Variants in CSMD1 observed in about 807,000 individuals in gnomAD.
CSMD1 encodes CUB and Sushi multiple domains 1, also known as CUB and sushi domain-containing protein 1.
In CSMD1, 213 loss-of-function variants were observed where a neutral mutation model predicts 417.5. That is an observed-to-expected ratio of 0.51 (90% CI 0.46 to 0.57). The LOEUF (loss-of-function observed/expected upper bound fraction) is 0.57, where lower values mean the gene tolerates loss of function less well. CSMD1 is among the 20% of genes least tolerant of loss of function. The pLI is 0.00. For missense variants in CSMD1, 6,923 were observed against 4,529.7 expected (o/e 1.53, Z -15.17); for synonymous variants, 2,862 against 1,736.8 (o/e 1.65, Z -16.11).
chr8:3,474,917 T>C (rs1343035863), intron 11 of CSMD1, among the ~76,000 whole-genome samples: 1 of 152,158 alleles, frequency 6.6e-6, no homozygotes, highest in Admixed American at 6.5e-5. Context: ...GAAAATATAA[T>C]TTTATTTTGG....
intron 10 of CSMD1, among the ~76,000 whole-genome samples, chr8:3,543,121 G>A (rs1798513059): frequency 6.6e-6 from 1 of 152,162 alleles, no homozygotes; most frequent in Non-Finnish European, 1.5e-5. Flanking sequence ...TGTGCATCCT[G>A]AAGGATGATC....
chr8:3,058,627 T>G (rs1432631301), intron 49 of CSMD1, among the ~76,000 whole-genome samples: 1 of 152,134 alleles, frequency 6.6e-6, no homozygotes, highest in Non-Finnish European at 1.5e-5. Context: ...CAAACATTAA[T>G]GTGCTCCTTA....
At chr8:3,291,711 C>A (rs1468268432) in intron 25 of CSMD1, among the ~76,000 whole-genome samples, 1 of 143,968 alleles carries the variant, frequency 6.9e-6, no homozygotes, top group Non-Finnish European at 1.5e-5. Context: ...TTTGATTCTT[C>A]TCTCTTTTCT....
chr8:3,031,860 T>A (rs1356695928), intron 50 of CSMD1, among the ~76,000 whole-genome samples: 1 of 104,704 alleles, frequency 9.6e-6, no homozygotes, highest in African/African-American at 3.8e-5. Flanking sequence ...TTTGCTCACA[T>A]CTCTCTTTTT....
At chr8:4,149,519 A>G (rs1001961062) in intron 3 of CSMD1, among the ~76,000 whole-genome samples, 2 of 152,208 alleles carry the variant, frequency 1.3e-5, no homozygotes, top group Non-Finnish European at 1.5e-5. Context: ...TACTCAGGGA[A>G]CTACCATTTC....
intron 2 of CSMD1, among the ~76,000 whole-genome samples, chr8:4,488,993 G>A (rs900797240): frequency 4.6e-5 from 7 of 152,198 alleles, no homozygotes; most frequent in Non-Finnish European, 8.8e-5. Context: ...CTCACTGCAC[G>A]TCCGCCTCCC....
intron 2 of CSMD1, among the ~76,000 whole-genome samples, chr8:4,463,500 A>T (rs1310905077): frequency 2.0e-5 from 3 of 152,220 alleles, no homozygotes; most frequent in Non-Finnish European, 2.9e-5. Context: ...CAAAAAGTGG[A>T]AACAATACAA....
chr8:4,226,136 G>C (rs1801342563), intron 3 of CSMD1, among the ~76,000 whole-genome samples: 1 of 151,624 alleles, frequency 6.6e-6, no homozygotes, highest in African/African-American at 2.4e-5. Flanking sequence ...TTGCTAGCAT[G>C]AGAGTTTCAT....
In CSMD1 at chr8:4,184,906, T is replaced by G. The variant is rs965488634; in HGVS notation, c.416-152807A>C. ...TGAGGTCAGGAGTTCAAGACCAGCCTCTGGGTGGATCACCTGAGGTCAGGA... is the reference window on the plus strand; with the variant it reads ...TGAGGTCAGGAGTTCAAGACCAGCCGCTGGGTGGATCACCTGAGGTCAGGA... On this transcript the variant is annotated intron_variant, in intron 3 of 69. Coordinates refer to ENST00000635120, the MANE Select transcript of CSMD1 (RefSeq NM_033225.6). Among the ~76,000 whole-genome samples, 8 of 149,410 alleles carry G rather than the reference T, an allele frequency of 5.4e-5. 1 individual carries two copies. Among genetic ancestry groups the G allele is most frequent in the African/African-American group, 2.0e-4 (8 of 39,400 alleles).
At chr8:4,155,074 G>C (rs1024038554) in intron 3 of CSMD1, among the ~76,000 whole-genome samples, 1 of 152,186 alleles carries the variant, frequency 6.6e-6, no homozygotes, top group African/African-American at 2.4e-5. Context: ...GGCCCGATTT[G>C]TGCTTTGAAC....
intron 23 of CSMD1, among the ~76,000 whole-genome samples, chr8:3,333,183 G>A (rs1807021466): frequency 6.6e-6 from 1 of 152,108 alleles, no homozygotes; most frequent in South Asian, 2.1e-4. Flanking sequence ...ACTCAGATGA[G>A]ACCACAGCCC....
intron 5 of CSMD1, among the ~76,000 whole-genome samples, chr8:3,903,507 C>G (rs1474035795): frequency 6.6e-6 from 1 of 152,190 alleles, no homozygotes; most frequent in Admixed American, 6.5e-5. Flanking sequence ...AAGTGTGCTT[C>G]TCATATACAG....
chr8:3,561,376 T>A (rs1254576917), intron 10 of CSMD1, among the ~76,000 whole-genome samples: 1 of 152,156 alleles, frequency 6.6e-6, no homozygotes, highest in East Asian at 1.9e-4. Context: ...AGTCATAGAA[T>A]CAACTTAAGT....
chr8:4,067,767 G>T (rs554722205), intron 3 of CSMD1, among the ~76,000 whole-genome samples: 1 of 152,074 alleles, frequency 6.6e-6, no homozygotes. Context: ...TTGTATGAAC[G>T]TTTTCCTGTA....
chr8:3,385,445 C>A (rs28422076), intron 18 of CSMD1, among the ~76,000 whole-genome samples: 3,819 of 151,774 alleles, frequency 0.025, 64 homozygotes, highest in Middle Eastern at 0.058. Context: ...ACCTACTGAA[C>A]TGATTGTTGC....
rs574260431 is a variant in CSMD1, at chr8:3,359,706, A to T, written c.3116-366T>A. Among the ~76,000 whole-genome samples, 104 of 152,284 alleles carry T rather than the reference A, an allele frequency of 6.8e-4. No homozygotes were observed. In the South Asian group the frequency reaches 0.013, roughly 19 times the overall value. ...GCAGAGTAAGGTGACTATAGTGAGT[A>T]ATAATACAGTGTACATTTCAAAATA... On this transcript the variant is annotated intron_variant, in intron 20 of 69. Transcript: ENST00000635120.
chr8:4,569,102 G>C (rs553429436), intron 2 of CSMD1, among the ~76,000 whole-genome samples: 3 of 152,138 alleles, frequency 2.0e-5, no homozygotes, highest in South Asian at 4.2e-4. Flanking sequence ...TGTGATGATA[G>C]TTTTGTTTGT....
At chr8:3,893,439 A>G (rs182238963) in intron 5 of CSMD1, among the ~76,000 whole-genome samples, 2 of 149,598 alleles carry the variant, frequency 1.3e-5, no homozygotes, top group East Asian at 2.0e-4. Context: ...CCTGAAACCA[A>G]TGAGGACAGT....
In CSMD1 at chr8:3,187,892, G is replaced by A; in HGVS notation, c.5597C>T (p.Ala1866Val). 1 of 1,613,088 alleles carries A rather than the reference G, an allele frequency of 6.2e-7. No individual in the cohort carries two copies. Among genetic ancestry groups the A allele is most frequent in the South Asian group, 1.1e-5 (1 of 90,880 alleles). ...LEIHDGGDVTAPRLGSFSGTT... is the reference protein window; with the variant it reads ...LEIHDGGDVTVPRLGSFSGTT... ...ACCTGAGAAGCTTCCCAGTCTGGGT[G>A]CGGTCACATCCCCACCATCGTGGAT... Residue 1866 changes from alanine to valine, a missense_variant, in exon 36 of 70, where the codon GCA becomes GTA. Coordinates refer to ENST00000635120, the MANE Select transcript of CSMD1 (RefSeq NM_033225.6).
Sources: gnomAD v4.1 joint callset for allele counts (sites outside exome capture counted in the v4.1 genomes callset) on GRCh38, gnomAD v4.1.1 for gene constraint, MANE v1.5 for transcripts, NCBI Gene and HGNC (gene_info 2026-07-23, HGNC 2026-07-21) for gene names.